The following LARP7 variants were observed in gnomAD, a reference collection of about 807,000 sequenced individuals.
LARP7 encodes the protein La ribonucleoprotein 7, transcriptional regulator.
Under a neutral mutation model 69.3 loss-of-function variants are expected in LARP7, and 52 were observed. The ratio of observed to expected loss-of-function variants is 0.75; its 90% CI spans 0.60 to 0.95. LARP7 has a LOEUF of 0.95. Among genes scored for constraint, LARP7 ranks in the 40% least tolerant of loss-of-function variants. The pLI, the probability that LARP7 is intolerant of heterozygous loss-of-function variation, is 0.00. For missense variants in LARP7, 733 were observed against 673.0 expected, an observed-to-expected ratio of 1.09 and a Z score of -0.99; for synonymous variants, 254 against 215.9, an observed-to-expected ratio of 1.18 and a Z score of -1.55.
intron 1 of LARP7, among the ~76,000 whole-genome samples, chr4:112,641,159 G>A (rs1293660189): frequency 6.6e-6 from 1 of 152,106 alleles, no homozygotes; most frequent in Non-Finnish European, 1.5e-5. Context: ...CTAGCACTTC[G>A]GGAGGCCAAG....
chr4:112,649,682 A>G lies in LARP7; in HGVS notation c.1290A>G (p.Glu430=), dbSNP rs937772193. 2 of 1,588,174 alleles carry G rather than the reference A, an allele frequency of 1.3e-6. No individual in the cohort carries two copies. The highest frequency in any genetic ancestry group is 2.7e-5 in the African/African-American group (2 of 73,634). The change falls in exon 9 of 13, where the codon GAA becomes GAG. Residue 430 remains glutamate (E), a synonymous_variant. Transcript: ENST00000344442. ...CTCAAAACACTGGAATGAAAAATGA[A>G]AAAAGTAAAGATCACTGATAGTTTT... ...GVPQNTGMKN[E]KTANREECRT... is the part of the protein sequence containing the mutation.
intron 10 of LARP7, 21 bp from the exon 11 acceptor site, chr4:112,653,056 T>C (rs1338586278): frequency 2.7e-5 from 42 of 1,552,470 alleles, no homozygotes; most frequent in Non-Finnish European, 3.6e-5. Flanking sequence ...TTATTTGTCT[T>C]TCTACTTAAC....
intron 10 of LARP7, among the ~76,000 whole-genome samples, chr4:112,651,934 T>A (rs192655001): frequency 6.6e-6 from 1 of 152,104 alleles, no homozygotes; most frequent in African/African-American, 2.4e-5. Flanking sequence ...GCTTTATATC[T>A]AAATTTGGTA....
Position 112,648,372 on chromosome 4 carries a change from A to G in LARP7, c.1142+538A>G, listed in dbSNP as rs772656527. On this transcript the variant is annotated intron_variant, in intron 8 of 12. Transcript: ENST00000344442. ...TGCTGGCTTGGAGACACCTCCACTG[A>G]AACATGGAAGCACTTACTTTTGTTT... 11 of 534,462 alleles carry G rather than the reference A, an allele frequency of 2.1e-5. No homozygotes were observed. The East Asian group carries it at 5.4e-4, about 26-fold the overall frequency. 33.1% of individuals were successfully genotyped at this position (534,462 alleles called of 1,614,324 possible). A position where few individuals can be genotyped will look rare whatever the true frequency, so the allele number is the denominator to read the frequency against.
At chr4:112,656,895 A>G (rs1212617740) in intron 12 of LARP7, among the ~76,000 whole-genome samples, 1 of 152,190 alleles carries the variant, frequency 6.6e-6, no homozygotes, top group African/African-American at 2.4e-5. Flanking sequence ...AAAGTTTAAT[A>G]TTTTAACTTT....
At chr4:112,644,563 G>GT in intron 1 of LARP7, 105 bp from the exon 2 acceptor site, 4 of 1,028,014 alleles carry the variant, frequency 3.9e-6, no homozygotes, top group Non-Finnish European at 5.4e-6. Flanking sequence ...ATGGCCAAAT[G>GT]TGAGTCCATT....
intron 12 of LARP7, 77 bp from the exon 13 acceptor site, chr4:112,657,170 T>TGTGTGTG: frequency 3.9e-6 from 2 of 516,944 alleles, no homozygotes; most frequent in Non-Finnish European, 6.1e-6. Flanking sequence ...AGTCATAGTT[T>TGTGTGTG]TGTGTGTGTG....
intron 1 of LARP7, 164 bp from the exon 2 acceptor site, chr4:112,644,504 A>T: frequency 9.1e-7 from 1 of 1,093,286 alleles, no homozygotes; most frequent in Non-Finnish European, 1.2e-6. Flanking sequence ...TTATTTTTAA[A>T]TTTAATTTAT....
intron 1 of LARP7, among the ~76,000 whole-genome samples, chr4:112,641,034 G>C (rs1380662820): frequency 6.6e-6 from 1 of 152,202 alleles, no homozygotes; most frequent in East Asian, 1.9e-4. Flanking sequence ...TGAAATTAGA[G>C]AGATCCCCAG....
Position 112,646,824 on chromosome 4 carries a change from AT to A in LARP7, c.423del (p.Ile141MetfsTer14). Reference sequence around the variant, plus strand: ...TCCCAAAAATGTTAATCACAGCTGGATTGAAAGAGTATTTGGGAAATGTGGC... The same window carrying A: ...TCCCAAAAATGTTAATCACAGCTGGATGAAAGAGTATTTGGGAAATGTGGC... ...LLPKNVNHSW[I>X]ERVFGKCGNV... On this transcript the variant is annotated frameshift_variant, in exon 5 of 13. Transcript: ENST00000344442. LOFTEE classifies it high-confidence loss of function. 6.2e-7 allele frequency: 1 copy of A among 1,602,874 alleles called. No homozygotes were observed. Among genetic ancestry groups the A allele is most frequent in the Non-Finnish European group, 8.5e-7 (1 of 1,177,164 alleles).
At position 112,647,402 on chromosome 4, in the gene LARP7, G is replaced by A. The variant is rs201727777; in HGVS notation, c.850G>A (p.Ala284Thr). 2.2e-4 allele frequency: 354 copies of A among 1,613,960 alleles called. No individual in the cohort carries two copies. Among genetic ancestry groups the A allele is most frequent in the Non-Finnish European group, 2.9e-4 (340 of 1,180,014 alleles). ...AAAGAAAAAACGGGACAGAGTTGAA[G>A]CATCTAGCTTACCTGAAGTCAGAAC... ...KKKKKRDRVE[A>T]SSLPEVRTGK... is the part of the protein sequence containing the mutation. The change falls in exon 7 of 13, where the codon GCA becomes ACA. Residue 284 changes from alanine (A) to threonine (T), a missense_variant. Ala to Thr is a moderately conservative substitution (Grantham distance 58). Transcript: ENST00000344442.
intron 1 of LARP7, among the ~76,000 whole-genome samples, chr4:112,642,996 A>T (rs2048021187): frequency 6.6e-6 from 1 of 152,232 alleles, no homozygotes; most frequent in African/African-American, 2.4e-5. Context: ...CCCAGGCCTG[A>T]TATTAATCCT....
At chr4:112,648,346 G>C (rs185886239) in intron 8 of LARP7, 1 of 533,550 alleles carries the variant, frequency 1.9e-6, no homozygotes, top group East Asian at 5.5e-5. Context: ...AACAAAAGGT[G>C]TGCTGGCTTG....
chr4:112,651,045 G>GTAGCCTT (rs1560946763), intron 10 of LARP7, among the ~76,000 whole-genome samples: 2 of 152,082 alleles, frequency 1.3e-5, no homozygotes, highest in African/African-American at 2.4e-5. Context: ...TCTATCTTCT[G>GTAGCCTT]TAGCCTTTTA....
chr4:112,648,466 G>A (rs752533511), intron 8 of LARP7: 8 of 533,976 alleles, frequency 1.5e-5, no homozygotes, highest in South Asian at 9.8e-5. Context: ...GTTCTATTTT[G>A]GAGAAGTAAA....
At chr4:112,649,812 A>G in intron 9 of LARP7, 126 bp downstream of exon 9, 2 of 603,128 alleles carry the variant, frequency 3.3e-6, no homozygotes, top group East Asian at 3.3e-5. Context: ...TATTAGAACA[A>G]TTCTTGATTT....
intron 1 of LARP7, among the ~76,000 whole-genome samples, chr4:112,640,834 A>G (rs921486904): frequency 6.6e-6 from 1 of 152,116 alleles, no homozygotes; most frequent in African/African-American, 2.4e-5. Flanking sequence ...GGAAAGAGGT[A>G]AGTCTCTCTA....
chr4:112,657,170 T>TGTGTG, intron 12 of LARP7, 77 bp from the exon 13 acceptor site: 1 of 515,830 alleles, frequency 1.9e-6, no homozygotes. Context: ...AGTCATAGTT[T>TGTGTG]TGTGTGTGTG....
intron 8 of LARP7, chr4:112,648,271 A>C (rs561936580): frequency 1.9e-6 from 1 of 528,932 alleles, no homozygotes; most frequent in African/African-American, 1.9e-5. Flanking sequence ...TCTTGGAAAA[A>C]GTTAGAATCC....
Sources: allele counts gnomAD v4.1 joint callset (sites outside exome capture counted in the v4.1 genomes callset), GRCh38; gene constraint gnomAD v4.1.1; transcripts MANE v1.5; gene names NCBI Gene and HGNC (gene_info 2026-07-23, HGNC 2026-07-21).